KIF2C: variants seen among roughly 807,000 people sequenced by gnomAD.
The protein encoded by KIF2C is kinesin-like protein KIF2C.
In KIF2C, 34 loss-of-function variants were observed where a neutral mutation model predicts 97.4. That is an observed-to-expected ratio of 0.35 (90% CI 0.27 to 0.46). KIF2C has a LOEUF of 0.46. KIF2C is among the 20% of genes least tolerant of loss of function. KIF2C has a pLI of 1.00. For missense variants in KIF2C, 750 were observed against 907.6 expected (o/e 0.83, Z 2.23); for synonymous variants, 313 against 318.2 (o/e 0.98, Z 0.17).
intron 7 of KIF2C, among the ~76,000 whole-genome samples, 200 bp from the exon 8 acceptor site, chr1:44,754,550 G>A (rs1649712513): frequency 6.6e-6 from 1 of 152,156 alleles, no homozygotes; most frequent in Admixed American, 6.6e-5. Context: ...CCAGTTCCTA[G>A]CGTGCTTTGG....
At chr1:44,742,396 A>C (rs979310813) in intron 2 of KIF2C, among the ~76,000 whole-genome samples, 12 of 148,934 alleles carry the variant, frequency 8.1e-5, no homozygotes, top group Non-Finnish European at 3.0e-5. Context: ...GGCGTGAGCC[A>C]CCATGCCCGG....
At position 44,760,328 on chromosome 1, in the gene KIF2C, G is replaced by A. The variant is rs147115263; in HGVS notation, c.1416G>A (p.Ala472=). ...FANSNSSRSH[A]CFQIILRAKG... is the part of the protein sequence containing the mutation. ...ACTCCAATTCCTCCCGCTCCCACGC[G>A]TGCTTCCAAATTATTCTTCGAGCTA... The change falls in exon 15 of 21, where the codon GCG becomes GCA. Residue 472 remains alanine (A), a synonymous_variant. Coordinates refer to ENST00000372224, the MANE Select transcript of KIF2C (RefSeq NM_006845.4). This position sits in a 1 kb window ranked among gnomAD's most constrained non-coding sequence, Gnocchi z 4.2. 2.5e-5 allele frequency: 40 copies of A among 1,614,036 alleles called. No individual in the cohort carries two copies. In the African/African-American group the frequency reaches 2.9e-4, roughly 12 times the overall value.
At chr1:44,761,171 C>T (rs772986070) in intron 16 of KIF2C, 11 of 170,758 alleles carry the variant, frequency 6.4e-5, no homozygotes, top group Admixed American at 2.7e-4. Context: ...CCATCCTTCC[C>T]CTCAAGAGAA....
chr1:44,765,477 GAAAGA>G (rs1010127571), intron 19 of KIF2C, among the ~76,000 whole-genome samples: 2 of 151,790 alleles, frequency 1.3e-5, no homozygotes, highest in African/African-American at 4.9e-5. Flanking sequence ...AAGAAAGAAA[GAAAGA>G]AAAAAACCAT....
rs758526971 is a variant in KIF2C at position 44,762,627 on chromosome 1, A to C, written c.1940A>C (p.Lys647Thr). 1 of 1,613,952 alleles carries C rather than the reference A, an allele frequency of 6.2e-7. No individual in the cohort carries two copies. The highest frequency in any genetic ancestry group is 1.7e-5 in the Admixed American group (1 of 59,998). ...AMTQIRELEE[K>T]AMEELKEIIQ... ...ACTCAGATCAGGGAGCTGGAGGAGA[A>C]GGCTATGGAAGAGCTCAAGGAGATC... The change falls in exon 19 of 21, where the codon AAG becomes ACG. Residue 647 changes from lysine to threonine, a missense_variant. Lys to Thr is a moderately conservative substitution (Grantham distance 78). Transcript: ENST00000372224.
chr1:44,759,016 AGC>A, intron 13 of KIF2C, 188 bp from the exon 14 acceptor site: 1 of 645,216 alleles, frequency 1.5e-6, no homozygotes, highest in Non-Finnish European at 2.6e-6. Context: ...CCAGAGTCAC[AGC>A]AAACTGAGGC....
At chr1:44,763,073 A>C (rs1177166606) in intron 19 of KIF2C, among the ~76,000 whole-genome samples, 3 of 152,234 alleles carry the variant, frequency 2.0e-5, no homozygotes, top group Non-Finnish European at 4.4e-5. Context: ...TTCCATTCAC[A>C]AACTGATTTC....
In KIF2C at chr1:44,762,168, G is replaced by A; in HGVS notation, c.1752-178G>A. On this transcript the variant is annotated intron_variant, in intron 17 of 20. Coordinates refer to ENST00000372224, the MANE Select transcript of KIF2C (RefSeq NM_006845.4). Reference sequence around the variant, plus strand: ...CCAATCCTCTCCGGGCCCTGCTGGAGAGTCAGCTGGGTGAGGGGCTTTTCC... The same window carrying A: ...CCAATCCTCTCCGGGCCCTGCTGGAAAGTCAGCTGGGTGAGGGGCTTTTCC... 4.8e-6 allele frequency: 4 copies of A among 838,102 alleles called. No homozygotes were observed. In the South Asian group the frequency reaches 5.5e-5, roughly 12 times the overall value. 51.9% of individuals were successfully genotyped at this position (838,102 alleles called of 1,614,324 possible).
chr1:44,747,314 A>G, intron 2 of KIF2C, 70 bp from the exon 3 acceptor site: 1 of 1,372,974 alleles, frequency 7.3e-7, no homozygotes, highest in Non-Finnish European at 1.0e-6. Flanking sequence ...TCTCAAAAAA[A>G]AAAAAAAAGA....
intron 19 of KIF2C, among the ~76,000 whole-genome samples, chr1:44,766,597 G>A (rs897462716): frequency 2.0e-5 from 3 of 152,104 alleles, no homozygotes; most frequent in African/African-American, 7.2e-5. Context: ...GGCAACAAGA[G>A]TGAAACTGTC....
intron 8 of KIF2C, 57 bp from the exon 9 acceptor site, chr1:44,755,872 G>A (rs747285450): frequency 2.6e-6 from 4 of 1,562,164 alleles, no homozygotes; most frequent in East Asian, 2.2e-5. Flanking sequence ...GGACAAGCTC[G>A]CTTTTGAAAT....
At chr1:44,765,465 A>AAAAG (rs145426130) in intron 19 of KIF2C, among the ~76,000 whole-genome samples, 1 of 151,598 alleles carries the variant, frequency 6.6e-6, no homozygotes, top group Non-Finnish European at 1.5e-5. Flanking sequence ...TAATAATAAA[A>AAAAG]AAAGAAAGAA....
At chr1:44,753,014 C>CTGTA (rs1246446370) in intron 5 of KIF2C, 118 bp from the exon 6 acceptor site, 2 of 1,262,890 alleles carry the variant, frequency 1.6e-6, no homozygotes, top group Non-Finnish European at 1.1e-6. Flanking sequence ...TCTGCACATA[C>CTGTA]TGTAAGCCTT....
intron 2 of KIF2C, among the ~76,000 whole-genome samples, chr1:44,745,889 T>A (rs1453557468): frequency 1.3e-5 from 2 of 152,020 alleles, no homozygotes; most frequent in African/African-American, 4.8e-5. Context: ...TTTTTCTTTT[T>A]TTTTTGAGAC....
Position 44,756,140 on chromosome 1 carries a change from C to T in KIF2C, c.880C>T (p.Pro294Ser). 1 of 1,614,192 alleles carries T rather than the reference C, an allele frequency of 6.2e-7. No individual in the cohort carries two copies. The highest frequency in any genetic ancestry group is 1.1e-5 in the South Asian group (1 of 91,082). ...CAAGTGTCTCCTCTTGGTACATGAA[C>T]CCAAGTTGAAAGTGGACTTAACAAA... The part of the protein sequence containing the change: ...PSKCLLLVHE[P>S]KLKVDLTKYL... The change falls in exon 10 of 21, where the codon CCC (proline) becomes TCC (serine). Residue 294 changes from proline to serine, a missense_variant. Physicochemically the swap from Pro to Ser is moderately conservative, Grantham distance 74. Coordinates refer to ENST00000372224, the MANE Select transcript of KIF2C (RefSeq NM_006845.4).
intron 2 of KIF2C, among the ~76,000 whole-genome samples, chr1:44,747,177 G>A (rs113473842): frequency 6.6e-6 from 1 of 151,732 alleles, no homozygotes; most frequent in East Asian, 1.9e-4. Context: ...GCGTGGTGGC[G>A]CATGCCTGTA....
chr1:44,745,771 A>G (rs1395673181), intron 2 of KIF2C, among the ~76,000 whole-genome samples: 1 of 150,528 alleles, frequency 6.6e-6, no homozygotes, highest in Non-Finnish European at 1.5e-5. Context: ...CGCCCGGCCT[A>G]TATATGTCTT....
chr1:44,758,018 G>C (rs776903984), intron 12 of KIF2C, 31 bp from the exon 13 acceptor site: 9 of 1,614,128 alleles, frequency 5.6e-6, no homozygotes, highest in Non-Finnish European at 7.6e-6. Flanking sequence ...AGAAAGGCAG[G>C]TTGTTTGCTT....
At chr1:44,740,828 C>A in intron 1 of KIF2C, 85 bp from the exon 2 acceptor site, 80 of 404,240 alleles carry the variant, frequency 2.0e-4, no homozygotes, top group East Asian at 7.0e-4. Flanking sequence ...TTCAGGTTAA[C>A]TCCACTTTGG....
Sources: gnomAD v4.1 joint callset for allele counts (sites outside exome capture counted in the v4.1 genomes callset) on GRCh38, gnomAD v4.1.1 for gene constraint, Gnocchi (gnomAD v3.1) non-coding constraint, MANE v1.5 for transcripts, NCBI Gene and HGNC (gene_info 2026-07-23, HGNC 2026-07-21) for gene names.